TTC29: variants seen among roughly 807,000 people sequenced by gnomAD.
TTC29 encodes tetratricopeptide repeat domain 29, also known as tetratricopeptide repeat protein 29.
TTC29 carries 49 observed loss-of-function variants against 58.1 expected under a neutral mutation model. The observed-to-expected ratio is 0.84, with a 90% CI of 0.67 to 1.07. The LOEUF (loss-of-function observed/expected upper bound fraction) is 1.07, where lower values mean the gene tolerates loss of function less well. TTC29 is among the 50% of genes least tolerant of loss of function. The pLI is 0.00. For missense variants in TTC29, 582 were observed against 555.6 expected, an observed-to-expected ratio of 1.05 and a Z score of -0.48; for synonymous variants, 209 against 196.8, an observed-to-expected ratio of 1.06 and a Z score of -0.52.
At chr4:146,815,865 T>C (rs1579741493) in intron 10 of TTC29, among the ~76,000 whole-genome samples, 1 of 152,184 alleles carries the variant, frequency 6.6e-6, no homozygotes. Context: ...TTAGCCTACC[T>C]CCAAACAACA....
At chr4:146,724,601 C>T (rs1743630689) in intron 11 of TTC29, among the ~76,000 whole-genome samples, 1 of 151,920 alleles carries the variant, frequency 6.6e-6, no homozygotes, top group Non-Finnish European at 1.5e-5. Context: ...GCAACCTCTG[C>T]CTCCTGAGTT....
At position 146,756,301 on chromosome 4, in the gene TTC29, A is replaced by G. The variant is rs192396750; in HGVS notation, c.1330+47156T>C. 1.7e-3 allele frequency among the ~76,000 whole-genome samples: 258 copies of G among 151,736 alleles called. 3 individuals carry two copies. Among genetic ancestry groups the G allele is most frequent in the East Asian group, 9.9e-3 (51 of 5,160 alleles). On this transcript the variant is annotated intron_variant, in intron 11 of 12. Coordinates refer to ENST00000325106, the MANE Select transcript of TTC29 (RefSeq NM_031956.4). ...AAAAAAAAAAAAAATCTGTAGTCAG[A>G]TTCAAATGTCTACTTGTTTTATTAT...
chr4:146,755,407 T>C (rs1441537580), intron 11 of TTC29, among the ~76,000 whole-genome samples: 1 of 152,178 alleles, frequency 6.6e-6, no homozygotes, highest in Admixed American at 6.5e-5. Context: ...ATATTCTGAA[T>C]AGCCAAAACA....
chr4:146,811,794 A>G (rs1325233971), intron 10 of TTC29, among the ~76,000 whole-genome samples: 1 of 152,204 alleles, frequency 6.6e-6, no homozygotes, highest in Non-Finnish European at 1.5e-5. Context: ...GGTGAGGAGG[A>G]GGAGAAATAG....
intron 8 of TTC29, among the ~76,000 whole-genome samples, chr4:146,864,563 T>C (rs1730448232): frequency 6.6e-6 from 1 of 152,208 alleles, no homozygotes; most frequent in Admixed American, 6.5e-5. Flanking sequence ...AATAGAAATA[T>C]ATTCTCTTCT....
intron 11 of TTC29, among the ~76,000 whole-genome samples, chr4:146,751,127 A>G (rs572049937): frequency 6.6e-6 from 1 of 152,368 alleles, no homozygotes; most frequent in South Asian, 2.1e-4. Flanking sequence ...GATGGTCACT[A>G]TTTATTGATA....
At chr4:146,765,002 C>T (rs1747199346) in intron 11 of TTC29, among the ~76,000 whole-genome samples, 1 of 152,030 alleles carries the variant, frequency 6.6e-6, no homozygotes, top group African/African-American at 2.4e-5. Context: ...TAGCCATAAG[C>T]ATTATTGGTG....
chr4:146,831,935 T>A (rs145295962), intron 9 of TTC29: 7 of 203,588 alleles, frequency 3.4e-5, no homozygotes, highest in Non-Finnish European at 6.3e-5. Context: ...TTAATTAATT[T>A]ATTTATTTTT....
At position 146,728,795 on chromosome 4, in the gene TTC29, GTA is replaced by G. The variant is rs1210329336; in HGVS notation, c.1331-21246_1331-21245del. ...TACACATATATATGTGTATATATAC[GTA>G]TATATACACATATATATGTGTATAT... On this transcript the variant is annotated intron_variant, in intron 11 of 12. Coordinates refer to ENST00000325106, the MANE Select transcript of TTC29 (RefSeq NM_031956.4). 5.4e-5 allele frequency among the ~76,000 whole-genome samples: 6 copies of G among 111,436 alleles called. 1 individual carries two copies. Among genetic ancestry groups the G allele is most frequent in the African/African-American group, 1.8e-4 (5 of 27,136 alleles). 73.1% of individuals were successfully genotyped at this position (111,436 alleles called of 152,430 possible). A position where few individuals can be genotyped will look rare whatever the true frequency, so the allele number is the denominator to read the frequency against.
chr4:146,909,123 C>A lies in TTC29; in HGVS notation c.303G>T (p.Arg101Ser), dbSNP rs373820879. The change falls in exon 5 of 13, where the codon AGG becomes AGT. Residue 101 changes from arginine to serine, a missense_variant. By Grantham distance (110) the Arg-to-Ser change is moderately radical. Coordinates refer to ENST00000325106, the MANE Select transcript of TTC29 (RefSeq NM_031956.4). ...WDALREAARV[R>S]SLFWLQKPLE... is the part of the protein sequence containing the mutation. ...GGGGCTTCTGCAGCCAGAAGAGGGA[C>A]CTGACTCTCGCAGCCTCCCTCAGGG... 10 of 1,613,750 alleles carry A rather than the reference C, an allele frequency of 6.2e-6. No individual in the cohort carries two copies. Among genetic ancestry groups the A allele is most frequent in the Non-Finnish European group, 7.6e-6 (9 of 1,179,848 alleles).
intron 8 of TTC29, among the ~76,000 whole-genome samples, chr4:146,848,072 A>G (rs369552304): frequency 5.9e-5 from 9 of 152,346 alleles, no homozygotes; most frequent in African/African-American, 2.2e-4. Context: ...TAAATATACA[A>G]AATTGTAAAG....
intron 5 of TTC29, among the ~76,000 whole-genome samples, chr4:146,908,641 T>G (rs1310063389): frequency 2.6e-5 from 4 of 152,176 alleles, no homozygotes; most frequent in African/African-American, 9.6e-5. Flanking sequence ...AAAATCAGTG[T>G]GATTTTCAAG....
chr4:146,874,861 C>A lies in TTC29; in HGVS notation c.654G>T (p.Lys218Asn). The A allele has an allele frequency of 6.2e-7, 1 of 1,613,488 alleles. No homozygotes were observed. Among genetic ancestry groups the A allele is most frequent in the Non-Finnish European group, 8.5e-7 (1 of 1,179,688 alleles). Residue 218 changes from lysine to asparagine, a missense_variant, in exon 7 of 13, where the codon AAG (lysine) becomes AAT (asparagine). Physicochemically the swap from Lys to Asn is moderately conservative, Grantham distance 94 (BLOSUM62 0). Transcript: ENST00000325106. ...FHQLTQGRIW[K>N]DETGRSLNLL... Reference sequence around the variant, plus strand: ...AGTTGAGAGAGCGGCCTGTCTCATCCTTCCATATCCGCCCCTGTGTCAATT... The same window carrying A: ...AGTTGAGAGAGCGGCCTGTCTCATCATTCCATATCCGCCCCTGTGTCAATT...
At chr4:146,844,032 T>A (rs959120814) in intron 8 of TTC29, among the ~76,000 whole-genome samples, 1 of 152,162 alleles carries the variant, frequency 6.6e-6, no homozygotes, top group Non-Finnish European at 1.5e-5. Flanking sequence ...AATAGCAAAT[T>A]TTTGTTTTAC....
chr4:146,803,587 A>G lies in TTC29; in HGVS notation c.1200T>C (p.Tyr400=). 3 of 1,608,496 alleles carry G rather than the reference A, an allele frequency of 1.9e-6. No individual in the cohort carries two copies. The highest frequency in any genetic ancestry group is 2.5e-6 in the Non-Finnish European group (3 of 1,177,122). Residue 400 remains tyrosine (Y), a synonymous_variant, in exon 11 of 13, where the codon TAT becomes TAC. Coordinates refer to ENST00000325106, the MANE Select transcript of TTC29 (RefSeq NM_031956.4). ...TCATCTGATGAGCTTTTGCTATTCC[A>G]TAGTGAACTTTTGTCTCATCCATCA... ...MPLMDETKVH[Y]GIAKAHQMML...
chr4:146,713,287 TTCC>T (rs144211688), intron 11 of TTC29, among the ~76,000 whole-genome samples: 14 of 150,070 alleles, frequency 9.3e-5, no homozygotes, highest in East Asian at 3.9e-4. Context: ...TTTATTCGTT[TTCC>T]TCCTCCTCCT....
chr4:146,708,357 C>CGTATATATATATATATATATATATAT (rs1742209541), intron 11 of TTC29, among the ~76,000 whole-genome samples: 1 of 16,812 alleles, frequency 5.9e-5, no homozygotes, highest in African/African-American at 1.4e-4. Flanking sequence ...TATATATATA[C>CGTATATATATATATATATATATATAT]ACATGTATGT....
intron 6 of TTC29, among the ~76,000 whole-genome samples, chr4:146,884,414 G>A (rs1731840713): frequency 6.6e-6 from 1 of 152,084 alleles, no homozygotes; most frequent in Non-Finnish European, 1.5e-5. Context: ...AAGAGGAGGT[G>A]CTTTCAAGAG....
intron 4 of TTC29, among the ~76,000 whole-genome samples, chr4:146,909,948 T>A (rs1733784737): frequency 6.6e-6 from 1 of 152,010 alleles, no homozygotes; most frequent in Non-Finnish European, 1.5e-5. Context: ...AGAACATGAC[T>A]AACAAATAAG....
Sources: allele counts gnomAD v4.1 joint callset (sites outside exome capture counted in the v4.1 genomes callset), GRCh38; gene constraint gnomAD v4.1.1; transcripts MANE v1.5; gene names NCBI Gene and HGNC (gene_info 2026-07-23, HGNC 2026-07-21).